GRM5: variants seen among roughly 807,000 people sequenced by gnomAD.
GRM5 encodes the protein glutamate metabotropic receptor 5, also known as metabotropic glutamate receptor 5.
GRM5 carries 19 observed loss-of-function variants against 83.1 expected under a neutral mutation model. The observed-to-expected ratio is 0.23, with a 90% CI of 0.16 to 0.34. The LOEUF (loss-of-function observed/expected upper bound fraction) is 0.34, where lower values mean the gene tolerates loss of function less well. Among genes scored for constraint, GRM5 ranks in the 10% least tolerant of loss-of-function variants. The pLI is 1.00. For missense variants in GRM5, 1,160 were observed against 1,588.3 expected (o/e 0.73, Z 4.58); for synonymous variants, 675 against 633.6 (o/e 1.07, Z -0.98).
chr11:88,981,851 T>C (rs1169899654), intron 2 of GRM5, among the ~76,000 whole-genome samples: 1 of 152,150 alleles, frequency 6.6e-6, no homozygotes, highest in Non-Finnish European at 1.5e-5. Context: ...TTAAATTAGA[T>C]CAGGCAAATA....
intron 2 of GRM5, among the ~76,000 whole-genome samples, chr11:88,912,288 A>G (rs1292670852): frequency 6.6e-6 from 1 of 151,856 alleles, no homozygotes; most frequent in Non-Finnish European, 1.5e-5. Context: ...ACTGCCATCA[A>G]ACAAATTGAT....
intron 3 of GRM5, among the ~76,000 whole-genome samples, chr11:88,663,602 G>C (rs1939961107): frequency 6.6e-6 from 1 of 152,078 alleles, no homozygotes; most frequent in South Asian, 2.1e-4. Flanking sequence ...TCCTTTCTTA[G>C]GATGATCTTC....
In GRM5 at chr11:88,799,904, C is replaced by G. The variant is rs185293859; in HGVS notation, c.911+50002G>C. 1.4e-4 allele frequency among the ~76,000 whole-genome samples: 22 copies of G among 152,180 alleles called. No individual in the cohort carries two copies. In the East Asian group the frequency reaches 4.2e-3, roughly 29 times the overall value. ...ATAATCCCAATTGAAACAGTCTGGGCTTTGATCCCAGACTTCCTGGCAAAC... is the reference window on the plus strand; with the variant it reads ...ATAATCCCAATTGAAACAGTCTGGGGTTTGATCCCAGACTTCCTGGCAAAC... On this transcript the variant is annotated intron_variant, in intron 3 of 9. Transcript: ENST00000305447.
chr11:88,696,970 T>A (rs7480879), intron 3 of GRM5, among the ~76,000 whole-genome samples: 148,383 of 152,092 alleles, frequency 0.98, 72,506 homozygotes, highest in East Asian at 1. Context: ...CCTTTAAAAA[T>A]TTTTTCTTTC....
chr11:88,705,354 G>C (rs1281321355), intron 3 of GRM5, among the ~76,000 whole-genome samples: 1 of 152,062 alleles, frequency 6.6e-6, no homozygotes, highest in Non-Finnish European at 1.5e-5. Flanking sequence ...TGGCAGCCAG[G>C]CTGCAGAACC....
intron 2 of GRM5, among the ~76,000 whole-genome samples, chr11:88,976,051 CTTAT>C (rs1300853986): frequency 6.6e-6 from 1 of 152,152 alleles, no homozygotes; most frequent in Non-Finnish European, 1.5e-5. Flanking sequence ...TGTGAAATTG[CTTAT>C]TTGTTATGTT....
intron 3 of GRM5, among the ~76,000 whole-genome samples, chr11:88,653,691 T>C (rs1278724741): frequency 6.6e-6 from 1 of 152,024 alleles, no homozygotes; most frequent in South Asian, 2.1e-4. Flanking sequence ...CTGCAAAATA[T>C]AGTATATACA....
intron 3 of GRM5, 42 bp downstream of exon 3, chr11:88,849,864 T>A: frequency 6.3e-7 from 1 of 1,594,018 alleles, no homozygotes. Context: ...GCTGCCAAAT[T>A]CCTGGTATTA....
chr11:88,544,256 AGGAAAATG>A, intron 8 of GRM5, among the ~76,000 whole-genome samples: 1 of 152,324 alleles, frequency 6.6e-6, no homozygotes, highest in East Asian at 1.9e-4. Context: ...AAAACAGACT[AGGAAAATG>A]GTGAAATGGT....
chr11:88,851,892 C>CA (rs1276908643), intron 2 of GRM5, among the ~76,000 whole-genome samples: 5 of 152,244 alleles, frequency 3.3e-5, no homozygotes, highest in Non-Finnish European at 7.4e-5. Flanking sequence ...AGTTATTTTG[C>CA]AATTAACAAA....
At chr11:88,521,999 C>T (rs529905924) in intron 9 of GRM5, among the ~76,000 whole-genome samples, 1 of 152,306 alleles carries the variant, frequency 6.6e-6, no homozygotes, top group Non-Finnish European at 1.5e-5. Context: ...ACTGTCCATT[C>T]TACAGCTTCA....
Position 88,509,023 on chromosome 11 carries a change from C to T in GRM5, c.3208G>A (p.Ala1070Thr), listed in dbSNP as rs866050447. 4 of 1,569,070 alleles carry T rather than the reference C, an allele frequency of 2.5e-6. No individual in the cohort carries two copies. The highest frequency in any genetic ancestry group is 3.5e-6 in the Non-Finnish European group (4 of 1,156,486). Residue 1070 changes from alanine to threonine, a missense_variant, in exon 10 of 10, where the codon GCC becomes ACC. By Grantham distance (58) the Ala-to-Thr change is moderately conservative. Around this residue, in one of 9 missense-constraint regions of GRM5, gnomAD observed 562 missense variants for 532.4 expected, o/e 1.06. Coordinates refer to ENST00000305447, the MANE Select transcript of GRM5 (RefSeq NM_001143831.3). Reference sequence around the variant, plus strand: ...ATGGAGTTGAGCTCGCTGATGTTGGCCGTGAAGCGGGTGACCACACTGCTG... The same window carrying T: ...ATGGAGTTGAGCTCGCTGATGTTGGTCGTGAAGCGGGTGACCACACTGCTG... ...QISSVVTRFT[A>T]NISELNSMML...
intron 3 of GRM5, among the ~76,000 whole-genome samples, chr11:88,723,821 T>C (rs1475168917): frequency 6.6e-6 from 1 of 152,128 alleles, no homozygotes; most frequent in Non-Finnish European, 1.5e-5. Context: ...TCAGGCTCTT[T>C]GTTCACTTGG....
intron 2 of GRM5, among the ~76,000 whole-genome samples, chr11:88,860,026 A>G (rs1199874884): frequency 6.6e-6 from 1 of 152,160 alleles, no homozygotes; most frequent in Non-Finnish European, 1.5e-5. Flanking sequence ...TGTATTAGTT[A>G]CTTAACTACA....
chr11:88,697,042 G>C lies in GRM5; in HGVS notation c.912-43639C>G, dbSNP rs77656692. Among the ~76,000 whole-genome samples the C allele has an allele frequency of 1.5e-3, 235 of 152,258 alleles. 1 individual carries two copies. Among genetic ancestry groups the C allele is most frequent in the African/African-American group, 5.4e-3 (226 of 41,548 alleles). On this transcript the variant is annotated intron_variant, in intron 3 of 9. Transcript: ENST00000305447. ...TTTCAATATTTCCAGATTGGCACAA[G>C]AGCTGATTTGGCATATAATTTATGT...
intron 3 of GRM5, among the ~76,000 whole-genome samples, chr11:88,730,657 C>T (rs1205214610): frequency 1.3e-5 from 2 of 152,068 alleles, no homozygotes; most frequent in East Asian, 3.9e-4. Context: ...AAAAATGTGG[C>T]ACATACACAC....
intron 3 of GRM5, among the ~76,000 whole-genome samples, chr11:88,801,331 G>T (rs1943390289): frequency 6.6e-6 from 1 of 151,986 alleles, no homozygotes; most frequent in South Asian, 2.1e-4. Context: ...CTGTTAAGTT[G>T]GTGCAAAAGT....
At chr11:88,575,415 A>T (rs1305765049) in intron 7 of GRM5, among the ~76,000 whole-genome samples, 1 of 151,550 alleles carries the variant, frequency 6.6e-6, no homozygotes, top group Non-Finnish European at 1.5e-5. Context: ...TAACTTATTT[A>T]TTTATTTTAT....
At chr11:88,667,872 G>T (rs550665264) in intron 3 of GRM5, among the ~76,000 whole-genome samples, 1 of 151,092 alleles carries the variant, frequency 6.6e-6, no homozygotes, top group African/African-American at 2.4e-5. Flanking sequence ...CAGCATGGGC[G>T]ACAGAGGGAG....
Sources: gnomAD v4.1 joint callset for allele counts (sites outside exome capture counted in the v4.1 genomes callset) on GRCh38, gnomAD v4.1.1 for gene constraint, gnomAD v4.1.1 regional missense constraint, MANE v1.5 for transcripts, NCBI Gene and HGNC (gene_info 2026-07-23, HGNC 2026-07-21) for gene names.